The following VWC2L variants were observed in gnomAD, a reference collection of about 807,000 sequenced individuals.
VWC2L encodes von Willebrand factor C domain-containing protein 2-like.
Under a neutral mutation model 21.6 loss-of-function variants are expected in VWC2L, and 10 were observed. The ratio of observed to expected loss-of-function variants is 0.46; its 90% CI spans 0.29 to 0.78. The LOEUF (loss-of-function observed/expected upper bound fraction) is 0.78, where lower values mean the gene tolerates loss of function less well. Among genes scored for constraint, VWC2L ranks in the 30% least tolerant of loss-of-function variants. VWC2L has a pLI of 0.10. For synonymous variants in VWC2L, 96 were observed against 94.3 expected (o/e 1.02, Z -0.10); for missense variants, 209 against 277.1 (o/e 0.75, Z 1.74).
At chr2:214,488,043 C>T (rs949133147) in intron 3 of VWC2L, among the ~76,000 whole-genome samples, 2 of 152,162 alleles carry the variant, frequency 1.3e-5, no homozygotes, top group Non-Finnish European at 2.9e-5. Flanking sequence ...CAGGGACTCA[C>T]CGTACCTTGT....
chr2:214,428,520 T>C (rs994316133), intron 2 of VWC2L, among the ~76,000 whole-genome samples: 3 of 152,136 alleles, frequency 2.0e-5, no homozygotes, highest in Non-Finnish European at 4.4e-5. Flanking sequence ...AAGTACTCAG[T>C]CAAGATTTTT....
At chr2:214,497,650 T>C (rs1235766805) in intron 3 of VWC2L, among the ~76,000 whole-genome samples, 8 of 152,194 alleles carry the variant, frequency 5.3e-5, no homozygotes, top group Non-Finnish European at 1.0e-4. Flanking sequence ...TTCCGTAAAT[T>C]CACTCTCTTT....
intron 3 of VWC2L, among the ~76,000 whole-genome samples, chr2:214,553,504 T>C (rs887444248): frequency 2.7e-4 from 41 of 152,312 alleles, no homozygotes; most frequent in African/African-American, 9.4e-4. Flanking sequence ...AGAGTTCTTA[T>C]CTAAAGACCT....
At chr2:214,445,954 G>T (rs1702831853) in intron 3 of VWC2L, among the ~76,000 whole-genome samples, 1 of 152,062 alleles carries the variant, frequency 6.6e-6, no homozygotes. Context: ...TCTTTTCAAA[G>T]CATTTAGAAA....
chr2:214,474,361 A>G (rs967480254), intron 3 of VWC2L, among the ~76,000 whole-genome samples: 2 of 152,098 alleles, frequency 1.3e-5, no homozygotes, highest in African/African-American at 4.8e-5. Context: ...CACTTCATCT[A>G]TCTCAGGCTC....
At chr2:214,491,191 C>CA (rs1181716356) in intron 3 of VWC2L, among the ~76,000 whole-genome samples, 3 of 152,078 alleles carry the variant, frequency 2.0e-5, no homozygotes, top group African/African-American at 7.2e-5. Flanking sequence ...TTCGATTTTT[C>CA]AAAAATTAGC....
chr2:214,425,006 A>C (rs1287343623), intron 2 of VWC2L, among the ~76,000 whole-genome samples: 1 of 152,256 alleles, frequency 6.6e-6, no homozygotes, highest in East Asian at 1.9e-4. Context: ...AGCCAGATCC[A>C]GTTCACAATC....
chr2:214,517,020 C>T (rs965991756), intron 3 of VWC2L, among the ~76,000 whole-genome samples: 1 of 152,180 alleles, frequency 6.6e-6, no homozygotes, highest in African/African-American at 2.4e-5. Flanking sequence ...TTGCTCTCTC[C>T]CCTGCATCAT....
intron 3 of VWC2L, among the ~76,000 whole-genome samples, chr2:214,507,966 G>A (rs1165063740): frequency 6.6e-6 from 1 of 151,956 alleles, no homozygotes. Context: ...CCTTTCTTTT[G>A]TGCACTTATA....
intron 3 of VWC2L, among the ~76,000 whole-genome samples, chr2:214,564,791 A>G (rs1690036862): frequency 2.0e-5 from 3 of 152,192 alleles, no homozygotes; most frequent in Admixed American, 2.0e-4. Context: ...TTATGCCCCA[A>G]ACCAAATATA....
At chr2:214,459,746 G>T (rs562859569) in intron 3 of VWC2L, among the ~76,000 whole-genome samples, 10 of 152,016 alleles carry the variant, frequency 6.6e-5, no homozygotes, top group South Asian at 4.1e-4. Context: ...ATTCTTCATT[G>T]CTAGTTTTTT....
chr2:214,555,587 C>G (rs114756449), intron 3 of VWC2L, among the ~76,000 whole-genome samples: 1,719 of 152,222 alleles, frequency 0.011, 28 homozygotes, highest in African/African-American at 0.039. Flanking sequence ...TTAAAACTGG[C>G]AATTTCTGGG....
chr2:214,419,394 G>T (rs1702400593), intron 2 of VWC2L, among the ~76,000 whole-genome samples: 1 of 152,160 alleles, frequency 6.6e-6, no homozygotes, highest in African/African-American at 2.4e-5. Flanking sequence ...CTCAAAGGAA[G>T]AAATAATTTC....
intron 3 of VWC2L, among the ~76,000 whole-genome samples, chr2:214,460,253 T>C (rs1438710655): frequency 6.6e-6 from 1 of 152,188 alleles, no homozygotes; most frequent in Non-Finnish European, 1.5e-5. Flanking sequence ...TCTTTTTGAA[T>C]TGTGCCTATT....
chr2:214,570,048 T>C (rs1056928536), intron 3 of VWC2L, among the ~76,000 whole-genome samples: 2 of 152,196 alleles, frequency 1.3e-5, no homozygotes, highest in Admixed American at 1.3e-4. Context: ...CTGCTGGTTT[T>C]GTAGAATCCT....
chr2:214,430,653 G>A (rs886538440), intron 2 of VWC2L, among the ~76,000 whole-genome samples: 1 of 151,922 alleles, frequency 6.6e-6, no homozygotes, highest in Admixed American at 6.6e-5. Context: ...AAATGCTTAT[G>A]TTTTCAACAA....
intron 3 of VWC2L, among the ~76,000 whole-genome samples, chr2:214,543,700 G>T (rs1461422216): frequency 6.6e-6 from 1 of 151,706 alleles, no homozygotes. Context: ...GGCTGGCAAG[G>T]TCCCTCAGCT....
At chr2:214,549,509 T>C (rs568564201) in intron 3 of VWC2L, among the ~76,000 whole-genome samples, 1 of 152,374 alleles carries the variant, frequency 6.6e-6, no homozygotes, top group African/African-American at 2.4e-5. Context: ...GCGCAGTGGC[T>C]CACGACTGTA....
At chr2:214,556,570 C>A (rs1156603947) in intron 3 of VWC2L, among the ~76,000 whole-genome samples, 1 of 152,158 alleles carries the variant, frequency 6.6e-6, no homozygotes, top group African/African-American at 2.4e-5. Flanking sequence ...AATATAATAT[C>A]TTTTGATGTA....
Sources: gnomAD v4.1 joint callset for allele counts (sites outside exome capture counted in the v4.1 genomes callset) on GRCh38, gnomAD v4.1.1 for gene constraint, MANE v1.5 for transcripts, NCBI Gene and HGNC (gene_info 2026-07-23, HGNC 2026-07-21) for gene names.